A2ML1: variants seen among roughly 807,000 people sequenced by gnomAD.
A2ML1 encodes the protein alpha-2-macroglobulin like 1, also known as alpha-2-macroglobulin-like protein 1.
In A2ML1, 161 loss-of-function variants were observed where a neutral mutation model predicts 181.9. That is an observed-to-expected ratio of 0.89 (90% confidence interval 0.78 to 1.01). The LOEUF (loss-of-function observed/expected upper bound fraction) is 1.01. Ranked by LOEUF, A2ML1 falls within the 50% of genes least tolerant of loss-of-function variation. A2ML1 has a pLI of 0.00. For synonymous variants in A2ML1, 663 were observed against 666.8 expected (o/e 0.99, Z 0.09); for missense variants, 1,670 against 1,768.1 (o/e 0.94, Z 1.00).
intron 24 of A2ML1, 64 bp downstream of exon 24, chr12:8,857,404 G>A (rs74472917): frequency 7.9e-7 from 1 of 1,273,434 alleles, no homozygotes; most frequent in Non-Finnish European, 1.1e-6. Flanking sequence ...ACAGATTGAT[G>A]ATACAGGGAA....
At chr12:8,854,072 A>T in intron 20 of A2ML1, 56 bp from the exon 21 acceptor site, 1 of 1,481,894 alleles carries the variant, frequency 6.7e-7, no homozygotes, top group Non-Finnish European at 9.0e-7. Flanking sequence ...ATGGGAATGG[A>T]CCTCACTGGT....
At chr12:8,848,676 A>G (rs2136859279) in intron 15 of A2ML1, 44 bp from the exon 16 acceptor site, 1 of 1,487,144 alleles carries the variant, frequency 6.7e-7, no homozygotes, top group Non-Finnish European at 9.0e-7. Flanking sequence ...CTCAACTGAT[A>G]TCACTATATC....
At position 8,838,414 on chromosome 12, in the gene A2ML1, A is replaced by G. The variant is rs752217277; in HGVS notation, c.934A>G (p.Ile312Val). 4.3e-6 allele frequency: 7 copies of G among 1,613,946 alleles called. No homozygotes were observed. The South Asian group carries it at 4.4e-5, about 10-fold the overall frequency. Residue 312 changes from isoleucine (I) to valine (V), a missense_variant, in exon 9 of 36, where the codon ATC (isoleucine) becomes GTC (valine). Physicochemically the swap from Ile to Val is conservative, Grantham distance 29 (BLOSUM62 3). Coordinates refer to ENST00000299698, the MANE Select transcript of A2ML1 (RefSeq NM_144670.6). Reference protein sequence around the residue: ...DLIGYAYSHQINIVATVVEEG... With the variant: ...DLIGYAYSHQVNIVATVVEEG... ...CATTGGATATGCGTACAGCCATCAA[A>G]TCAATATTGTGGCTACTGTTGTGGA...
intron 5 of A2ML1, 115 bp from the exon 6 acceptor site, chr12:8,835,392 G>A: frequency 2.4e-6 from 3 of 1,268,494 alleles, no homozygotes; most frequent in Non-Finnish European, 3.4e-6. Flanking sequence ...AGACCACAGG[G>A]GTCATGAACA....
chr12:8,853,053 G>A (rs1386104592), intron 20 of A2ML1, among the ~76,000 whole-genome samples: 1 of 152,070 alleles, frequency 6.6e-6, no homozygotes, highest in East Asian at 1.9e-4. Context: ...GGAGTACAGT[G>A]GTGTGGTCAT....
chr12:8,840,970 G>A (rs867226666), intron 10 of A2ML1, among the ~76,000 whole-genome samples: 185 of 139,550 alleles, frequency 1.3e-3, no homozygotes, highest in African/African-American at 4.8e-3. Flanking sequence ...AAGGAAAGAA[G>A]GAAGGAAAGA....
intron 7 of A2ML1, among the ~76,000 whole-genome samples, chr12:8,883,014 C>T (rs533241003): frequency 2.6e-5 from 4 of 152,226 alleles, no homozygotes; most frequent in African/African-American, 4.8e-5. Context: ...CTAAAATCTC[C>T]GATAACTTTC....
At chr12:8,877,886 A>G (rs986625338), downstream of A2ML1, among the ~76,000 whole-genome samples, 1 of 152,222 alleles carries the variant, frequency 6.6e-6, no homozygotes, top group African/African-American at 2.4e-5. Context: ...ATGCACCTGT[A>G]TGTTTTTCGC....
downstream of A2ML1, among the ~76,000 whole-genome samples, chr12:8,880,842 A>G (rs1006060578): frequency 6.6e-6 from 1 of 152,236 alleles, no homozygotes; most frequent in Admixed American, 6.5e-5. Flanking sequence ...GGCAGCAAAC[A>G]AAAGAGTCAT....
In A2ML1 at chr12:8,855,358, C is replaced by G. The variant is rs1944027651; in HGVS notation, c.2765-151C>G. 14 of 659,184 alleles carry G rather than the reference C, an allele frequency of 2.1e-5. No individual in the cohort carries two copies. The South Asian group carries it at 2.4e-4, about 11-fold the overall frequency. The allele number at this position is 659,184 out of a possible 1,614,324, so 40.8% of individuals were successfully genotyped here. A position where few individuals can be genotyped will look rare whatever the true frequency, so the allele number is the denominator to read the frequency against. ...GTGGAATTTATTTTCAGCAAGATCA[C>G]TATGAATAGTACCCAGTGCTTTCTG... On this transcript the variant is annotated intron_variant, in intron 22 of 35. Coordinates refer to ENST00000299698, the MANE Select transcript of A2ML1 (RefSeq NM_144670.6).
At position 8,838,781 on chromosome 12, in the gene A2ML1, G is replaced by C. The variant is rs140939249; in HGVS notation, c.970+331G>C. 3.3e-5 allele frequency among the ~76,000 whole-genome samples: 5 copies of C among 151,978 alleles called. No homozygotes were observed. In the South Asian group the frequency reaches 1.0e-3, roughly 32 times the overall value. Reference sequence around the variant, plus strand: ...CAAAAAATTAGCCGGGCATGGTGACGGGGGCGCCTGTAGTCCCAGCTACTC... The same window carrying C: ...CAAAAAATTAGCCGGGCATGGTGACCGGGGCGCCTGTAGTCCCAGCTACTC... On this transcript the variant is annotated intron_variant, in intron 9 of 35. Transcript: ENST00000299698.
downstream of A2ML1, among the ~76,000 whole-genome samples, chr12:8,878,196 G>A (rs1209817429): frequency 6.6e-6 from 1 of 152,148 alleles, no homozygotes; most frequent in African/African-American, 2.4e-5. The surrounding 1 kb of genome is among the most constrained non-coding windows in gnomAD (Gnocchi z 4.4). Flanking sequence ...CCAGCTACTG[G>A]GGAGGCTGAG....
downstream of A2ML1, among the ~76,000 whole-genome samples, chr12:8,878,010 A>T (rs1348026541): frequency 6.6e-6 from 1 of 152,216 alleles, no homozygotes; most frequent in Non-Finnish European, 1.5e-5. This position sits in a 1 kb window ranked among gnomAD's most constrained non-coding sequence, Gnocchi z 4.4. Context: ...GCCATAAAAA[A>T]GAATGCAATC....
At chr12:8,882,480 C>T (rs1329818464) in intron 7 of A2ML1, among the ~76,000 whole-genome samples, 2 of 152,190 alleles carry the variant, frequency 1.3e-5, no homozygotes, top group Admixed American at 6.5e-5. Context: ...TATCCTTCTT[C>T]CTGTAGCCCT....
At position 8,841,555 on chromosome 12, in the gene A2ML1, C is replaced by A; in HGVS notation, c.1248+19C>A. 1 of 1,590,534 alleles carries A rather than the reference C, an allele frequency of 6.3e-7. No homozygotes were observed. The highest frequency in any genetic ancestry group is 1.3e-5 in the African/African-American group (1 of 74,176). ...TCTGGAGGTAAGCATGGACGGAGGA[C>A]CAGCTTCCTAGAAAGGAAGGCTTCC... On this transcript the variant is annotated intron_variant, in intron 11 of 35. Transcript: ENST00000299698.
chr12:8,846,201 C>T lies in A2ML1; in HGVS notation c.1662C>T (p.Val554=), dbSNP rs201231563. The T allele has an allele frequency of 3.1e-6, 5 of 1,614,034 alleles. No individual in the cohort carries two copies. Among genetic ancestry groups the T allele is most frequent in the African/African-American group, 1.3e-5 (1 of 75,016 alleles). Residue 554 remains valine (V), a synonymous_variant, in exon 14 of 36, where the codon GTC becomes GTT. Transcript: ENST00000299698. ...TAGCTGACAAAATTCAGTTCTCAGT[C>T]GAGATGTGCTTTGACAATCAGGTAA... ...GVVADKIQFS[V]EMCFDNQVSL...
intron 17 of A2ML1, 129 bp from the exon 18 acceptor site, chr12:8,850,031 C>T (rs1217034823): frequency 1.3e-6 from 1 of 765,450 alleles, no homozygotes; most frequent in Non-Finnish European, 2.1e-6. Context: ...TTTGGTCCTT[C>T]CTCCTTGCCT....
intron 5 of A2ML1, chr12:8,834,995 G>T: frequency 2.5e-6 from 1 of 400,380 alleles, no homozygotes; most frequent in Non-Finnish European, 4.5e-6. Flanking sequence ...TTAGTGTAAG[G>T]TAATAGCCCT....
chr12:8,854,272 G>T (rs1372364303), intron 21 of A2ML1, 23 bp downstream of exon 21: 49 of 1,578,714 alleles, frequency 3.1e-5, no homozygotes, highest in Non-Finnish European at 3.9e-5. Flanking sequence ...CAGAGGTAGA[G>T]ACAGCAACCA....
Sources: gnomAD v4.1 joint callset for allele counts (sites outside exome capture counted in the v4.1 genomes callset) on GRCh38, gnomAD v4.1.1 for gene constraint, Gnocchi (gnomAD v3.1) non-coding constraint, MANE v1.5 for transcripts, NCBI Gene and HGNC (gene_info 2026-07-23, HGNC 2026-07-21) for gene names.